MALRD1: variants seen among roughly 807,000 people sequenced by gnomAD.
The protein encoded by MALRD1 is MAM and LDL receptor class A domain containing 1.
A neutral mutation model predicts 242.1 loss-of-function variants in MALRD1; 247 were observed. The observed-to-expected ratio is 1.02, with a 90% CI of 0.92 to 1.13. The LOEUF (loss-of-function observed/expected upper bound fraction) is 1.13, where lower values mean the gene tolerates loss of function less well. Ranked by LOEUF, MALRD1 falls within the 50% of genes most tolerant of loss-of-function variation. MALRD1 has a pLI of 0.00. For synonymous variants in MALRD1, 995 were observed against 866.6 expected (o/e 1.15, Z -2.60); for missense variants, 2,989 against 2,533.1 (o/e 1.18, Z -3.86).
chr10:19,456,671 A>G (rs774337034), intron 29 of MALRD1, among the ~76,000 whole-genome samples: 2 of 152,146 alleles, frequency 1.3e-5, no homozygotes, highest in Admixed American at 1.3e-4. Context: ...TTTTAAAGTA[A>G]ATGTCAGACA....
chr10:19,193,711 T>C (rs1265896863), intron 14 of MALRD1, among the ~76,000 whole-genome samples: 1 of 152,130 alleles, frequency 6.6e-6, no homozygotes, highest in African/African-American at 2.4e-5. Flanking sequence ...TAATAAGAGT[T>C]CCCTGTGAAT....
At chr10:19,362,201 G>A (rs920606373) in intron 26 of MALRD1, among the ~76,000 whole-genome samples, 6 of 152,056 alleles carry the variant, frequency 3.9e-5, no homozygotes, top group African/African-American at 1.2e-4. Context: ...CAACTTCAGT[G>A]TATCCAATTT....
intron 2 of MALRD1, among the ~76,000 whole-genome samples, chr10:19,087,546 CT>C (rs59368317): frequency 0.57 from 82,698 of 143,898 alleles, 23,467 homozygotes; most frequent in African/African-American, 0.69. Context: ...TGTCTCGTTT[CT>C]TTTTTTTTTT....
At chr10:19,244,981 C>T (rs562387289) in intron 18 of MALRD1, among the ~76,000 whole-genome samples, 26 of 152,110 alleles carry the variant, frequency 1.7e-4, no homozygotes, top group African/African-American at 4.6e-4. Flanking sequence ...TCTTAGATGA[C>T]GTTAAATTAC....
intron 38 of MALRD1, among the ~76,000 whole-genome samples, chr10:19,706,678 G>A (rs28452201): frequency 0.011 from 1,650 of 152,110 alleles, 33 homozygotes; most frequent in African/African-American, 0.037. Flanking sequence ...AAAAAGGGCC[G>A]AGTGTTGTCT....
intron 11 of MALRD1, among the ~76,000 whole-genome samples, chr10:19,153,116 G>T (rs1219714605): frequency 6.6e-6 from 1 of 152,068 alleles, no homozygotes; most frequent in Non-Finnish European, 1.5e-5. Flanking sequence ...ATTTGTTGTT[G>T]TAACTGAATA....
chr10:19,130,348 C>T (rs555317319), intron 8 of MALRD1, among the ~76,000 whole-genome samples: 10 of 152,256 alleles, frequency 6.6e-5, no homozygotes, highest in African/African-American at 2.4e-4. Context: ...AGCAAGCCTC[C>T]ATGCAATCTA....
At chr10:19,415,593 A>G (rs998293844) in intron 28 of MALRD1, among the ~76,000 whole-genome samples, 1 of 152,186 alleles carries the variant, frequency 6.6e-6, no homozygotes, top group Non-Finnish European at 1.5e-5. Context: ...GATATATTCA[A>G]ATTATCAGAT....
Position 19,431,043 on chromosome 10 carries a change from G to A in MALRD1, c.4846-19264G>A, listed in dbSNP as rs78061211. Among the ~76,000 whole-genome samples the A allele has an allele frequency of 7.6e-3, 1,153 of 152,262 alleles. 13 individuals are homozygous for A. The highest frequency in any genetic ancestry group is 0.02 in the Admixed American group (311 of 15,286). ...AAGTTCTGGTGTACATGTGCAGGAT[G>A]TGAAGGTTTGTTACATAGATAAATG... On this transcript the variant is annotated intron_variant, in intron 28 of 39. Transcript: ENST00000454679.
At chr10:19,639,787 T>C (rs1001451408) in intron 36 of MALRD1, among the ~76,000 whole-genome samples, 1 of 152,190 alleles carries the variant, frequency 6.6e-6, no homozygotes, top group South Asian at 2.1e-4. Context: ...ATGTGAATGT[T>C]TTTAACACAA....
chr10:19,472,431 T>C (rs1381820351), intron 29 of MALRD1, among the ~76,000 whole-genome samples: 2 of 151,978 alleles, frequency 1.3e-5, no homozygotes, highest in African/African-American at 4.8e-5. Context: ...CTTGGAAGTA[T>C]TTCCTCCTCT....
intron 28 of MALRD1, among the ~76,000 whole-genome samples, chr10:19,396,310 T>C (rs1189622318): frequency 3.3e-5 from 5 of 151,940 alleles, no homozygotes; most frequent in African/African-American, 9.7e-5. Flanking sequence ...CTAATTTTTG[T>C]ATTTTTAGTA....
At chr10:19,185,890 A>C (rs1048084237) in intron 14 of MALRD1, among the ~76,000 whole-genome samples, 8 of 151,280 alleles carry the variant, frequency 5.3e-5, no homozygotes, top group African/African-American at 1.7e-4. Context: ...TTTCTGAAAA[A>C]TGTTTCTGAG....
intron 38 of MALRD1, among the ~76,000 whole-genome samples, chr10:19,706,839 C>T (rs1391174342): frequency 1.3e-5 from 2 of 152,054 alleles, no homozygotes; most frequent in African/African-American, 4.8e-5. Context: ...ACTGGAGCAC[C>T]TTGAGACAGG....
chr10:19,474,357 G>A (rs376188234), intron 29 of MALRD1, among the ~76,000 whole-genome samples: 23 of 152,070 alleles, frequency 1.5e-4, no homozygotes, highest in Admixed American at 4.6e-4. Context: ...TATTTCCAAT[G>A]TACATCCAAA....
At chr10:19,615,217 A>C (rs1003144024) in intron 35 of MALRD1, among the ~76,000 whole-genome samples, 4 of 152,004 alleles carry the variant, frequency 2.6e-5, no homozygotes, top group Admixed American at 6.6e-5. Flanking sequence ...AAATTATTAT[A>C]TGTCAATTAA....
At chr10:19,222,746 T>C (rs1837616601) in intron 18 of MALRD1, among the ~76,000 whole-genome samples, 2 of 152,154 alleles carry the variant, frequency 1.3e-5, no homozygotes, top group South Asian at 4.1e-4. Flanking sequence ...GTCTTTTCTC[T>C]GCAAGTTTTT....
intron 12 of MALRD1, among the ~76,000 whole-genome samples, chr10:19,165,266 T>TATATATATA (rs1554801500): frequency 5.1e-4 from 59 of 116,224 alleles, no homozygotes; most frequent in African/African-American, 1.9e-3. Flanking sequence ...TATATATATA[T>TATATATATA]TTTGTTTTGT....
At chr10:19,238,444 TAC>T in intron 18 of MALRD1, among the ~76,000 whole-genome samples, 1 of 56,464 alleles carries the variant, frequency 1.8e-5, no homozygotes, top group African/African-American at 8.4e-5. Flanking sequence ...ATATATAATA[TAC>T]ATTATATATA....
Sources: allele counts gnomAD v4.1 joint callset (sites outside exome capture counted in the v4.1 genomes callset), GRCh38; gene constraint gnomAD v4.1.1; transcripts MANE v1.5; gene names NCBI Gene and HGNC (gene_info 2026-07-23, HGNC 2026-07-21).